CADPS: variants seen among roughly 807,000 people sequenced by gnomAD.
CADPS encodes the protein calcium dependent secretion activator, also known as calcium-dependent secretion activator 1.
A neutral mutation model predicts 167.3 loss-of-function variants in CADPS; 57 were observed. The observed-to-expected ratio is 0.34, with a 90% CI of 0.28 to 0.42. CADPS has a LOEUF of 0.42. Among genes scored for constraint, CADPS ranks in the 20% least tolerant of loss-of-function variants. CADPS has a pLI of 1.00. For synonymous variants in CADPS, 676 were observed against 635.3 expected (o/e 1.06, Z -0.96); for missense variants, 1,414 against 1,738.1 (o/e 0.81, Z 3.32).
intron 6 of CADPS, among the ~76,000 whole-genome samples, chr3:62,642,335 A>G (rs1380412042): frequency 6.6e-6 from 1 of 152,242 alleles, no homozygotes; most frequent in Non-Finnish European, 1.5e-5. Context: ...TGAATAGGGC[A>G]GGAAAAGGGC....
At chr3:62,588,391 G>T (rs1206096749) in intron 7 of CADPS, among the ~76,000 whole-genome samples, 2 of 151,412 alleles carry the variant, frequency 1.3e-5, no homozygotes, top group African/African-American at 4.9e-5. Flanking sequence ...GAGGTTAAGG[G>T]TTTTTTACCA....
At chr3:62,505,668 T>A (rs892031024) in intron 17 of CADPS, among the ~76,000 whole-genome samples, 6 of 152,206 alleles carry the variant, frequency 3.9e-5, no homozygotes, top group African/African-American at 1.4e-4. Flanking sequence ...CTTCCCTTCA[T>A]GACAAGGGTT....
At chr3:62,518,982 C>A (rs190860309) in intron 13 of CADPS, among the ~76,000 whole-genome samples, 1 of 152,108 alleles carries the variant, frequency 6.6e-6, no homozygotes, top group Non-Finnish European at 1.5e-5. Context: ...TAAATGATTT[C>A]AGTTTGATCA....
intron 3 of CADPS, among the ~76,000 whole-genome samples, chr3:62,696,372 A>G (rs949033391): frequency 1.3e-5 from 2 of 152,086 alleles, no homozygotes; most frequent in African/African-American, 2.4e-5. Flanking sequence ...AGTGAACTCC[A>G]GTTTGCCACA....
intron 18 of CADPS, among the ~76,000 whole-genome samples, chr3:62,494,283 G>C (rs1472342646): frequency 6.6e-6 from 1 of 152,106 alleles, no homozygotes; most frequent in East Asian, 1.9e-4. Context: ...CCAGTAGATA[G>C]AGAAACCCTC....
intron 17 of CADPS, among the ~76,000 whole-genome samples, chr3:62,508,083 T>A (rs1222127254): frequency 1.3e-5 from 2 of 152,166 alleles, no homozygotes; most frequent in African/African-American, 2.4e-5. Context: ...CTTGAGGTAG[T>A]GTTTTCTTAG....
chr3:62,793,974 T>C (rs765069564), intron 1 of CADPS, among the ~76,000 whole-genome samples: 38 of 152,162 alleles, frequency 2.5e-4, no homozygotes, highest in African/African-American at 8.9e-4. Flanking sequence ...CTAAAGATCC[T>C]TGGGCTTCCA....
At chr3:62,833,348 TCTGA>T (rs1036052647) in intron 1 of CADPS, among the ~76,000 whole-genome samples, 39 of 151,816 alleles carry the variant, frequency 2.6e-4, no homozygotes, top group African/African-American at 8.2e-4. Flanking sequence ...AGAGATGAGG[TCTGA>T]CTATGTTGCC....
chr3:62,593,001 T>C (rs188041988), intron 6 of CADPS, among the ~76,000 whole-genome samples: 1 of 152,348 alleles, frequency 6.6e-6, no homozygotes, highest in East Asian at 1.9e-4. Context: ...GAAATTAGCA[T>C]AAACTCATGT....
At chr3:62,559,844 T>C (rs1182668408) in intron 9 of CADPS, among the ~76,000 whole-genome samples, 1 of 152,108 alleles carries the variant, frequency 6.6e-6, no homozygotes, top group Non-Finnish European at 1.5e-5. Flanking sequence ...AAAGATGACA[T>C]AGTTTGTTAA....
intron 1 of CADPS, among the ~76,000 whole-genome samples, chr3:62,794,778 TAAAA>T (rs71126555): frequency 0.015 from 1,453 of 99,880 alleles, 21 homozygotes; most frequent in South Asian, 0.046. Context: ...CGCAAGGTGG[TAAAA>T]AAAAAAAAAA....
At chr3:62,709,011 C>T (rs1218737349) in intron 3 of CADPS, among the ~76,000 whole-genome samples, 1 of 151,970 alleles carries the variant, frequency 6.6e-6, no homozygotes, top group African/African-American at 2.4e-5. Flanking sequence ...GGAACACCTT[C>T]CTTTTCACTG....
At chr3:62,774,574 T>C (rs1039020946) in intron 1 of CADPS, among the ~76,000 whole-genome samples, 2 of 152,214 alleles carry the variant, frequency 1.3e-5, no homozygotes, top group African/African-American at 4.8e-5. Context: ...ATAGTGATAC[T>C]AAAACTGAGG....
intron 1 of CADPS, among the ~76,000 whole-genome samples, chr3:62,789,256 A>T (rs1156563089): frequency 1.3e-5 from 2 of 152,144 alleles, no homozygotes; most frequent in East Asian, 3.9e-4. Context: ...ACTGAGAAAT[A>T]AGCACTGCTA....
intron 26 of CADPS, among the ~76,000 whole-genome samples, chr3:62,449,532 T>G (rs1446098218): frequency 1.3e-5 from 2 of 152,138 alleles, no homozygotes; most frequent in African/African-American, 4.8e-5. Context: ...GAATATGTCT[T>G]TTTGCCAGCT....
At chr3:62,562,122 G>C (rs541926832) in intron 9 of CADPS, among the ~76,000 whole-genome samples, 1 of 152,284 alleles carries the variant, frequency 6.6e-6, no homozygotes, top group African/African-American at 2.4e-5. Context: ...TTGGAGATTT[G>C]GTCTAGATGG....
chr3:62,619,731 A>T (rs2062870227), intron 6 of CADPS, among the ~76,000 whole-genome samples: 1 of 152,168 alleles, frequency 6.6e-6, no homozygotes, highest in South Asian at 2.1e-4. Flanking sequence ...TGGAAATTAC[A>T]AGGGACAGAG....
chr3:62,750,334 G>C lies in CADPS; in HGVS notation c.888+3107C>G, dbSNP rs1456945763. Among the ~76,000 whole-genome samples, 10 of 114,960 alleles carry C rather than the reference G, an allele frequency of 8.7e-5. No homozygotes were observed. The East Asian group carries it at 2.8e-3, about 32-fold the overall frequency. 75.4% of individuals were successfully genotyped at this position (114,960 alleles called of 152,430 possible). A position where few individuals can be genotyped will look rare whatever the true frequency, so the allele number is the denominator to read the frequency against. On this transcript the variant is annotated intron_variant, in intron 3 of 29. Coordinates refer to ENST00000383710, the MANE Select transcript of CADPS (RefSeq NM_003716.4). ...CCACTGCACTCTACCCTGAGTGACA[G>C]AGTGAGACTCTTAAGCTCCAAAAAA... is the stretch of plus-strand genomic sequence containing the variant.
chr3:62,629,673 C>G (rs564391330), intron 6 of CADPS, among the ~76,000 whole-genome samples: 32 of 152,106 alleles, frequency 2.1e-4, no homozygotes, highest in African/African-American at 7.7e-4. Flanking sequence ...AATCAAAGAC[C>G]TTTCGTGTCC....
Sources: allele counts gnomAD v4.1 joint callset (sites outside exome capture counted in the v4.1 genomes callset), GRCh38; gene constraint gnomAD v4.1.1; transcripts MANE v1.5; gene names NCBI Gene and HGNC (gene_info 2026-07-23, HGNC 2026-07-21).